AAAS: variants seen among roughly 807,000 people sequenced by gnomAD.
The protein encoded by AAAS is aladin WD repeat nucleoporin.
Under a neutral mutation model 75.6 loss-of-function variants are expected in AAAS, and 60 were observed. That is an observed-to-expected ratio of 0.79 (90% CI 0.64 to 0.98). The LOEUF is 0.98. Among genes scored for constraint, AAAS ranks in the 50% least tolerant of loss-of-function variants. AAAS has a pLI of 0.00. For synonymous variants in AAAS, 271 were observed against 265.0 expected, an observed-to-expected ratio of 1.02 and a Z score of -0.22; for missense variants, 658 against 686.9, an observed-to-expected ratio of 0.96 and a Z score of 0.47.
intron 7 of AAAS, among the ~76,000 whole-genome samples, chr12:53,313,057 C>T (rs1473118025): frequency 2.6e-5 from 4 of 150,978 alleles, no homozygotes; most frequent in Non-Finnish European, 5.9e-5. Context: ...GGGGTTTCAC[C>T]GTGTTAGCCA....
rs558170599 is a variant in AAAS at position 53,318,186 on chromosome 12, C to T, written c.251+2379G>A. Among the ~76,000 whole-genome samples the T allele has an allele frequency of 2.3e-3, 346 of 148,840 alleles. 1 individual carries two copies. Among genetic ancestry groups the T allele is most frequent in the African/African-American group, 8.2e-3 (331 of 40,368 alleles). On this transcript the variant is annotated intron_variant, in intron 2 of 15. Transcript: ENST00000209873. The stretch of plus-strand genomic sequence containing the variant: ...GACTACGGGTGCACACCATCATGCC[C>T]AGCTAATTTTTAAATTTTTTGTAGA...
Position 53,307,593 on chromosome 12 carries a change from G to C in AAAS, c.1537C>G (p.His513Asp). Residue 513 changes from histidine (H) to aspartate (D), a missense_variant, in exon 16 of 16, where the codon CAT (histidine) becomes GAT (aspartate). His to Asp is a moderately conservative substitution (Grantham distance 81). Coordinates refer to ENST00000209873, the MANE Select transcript of AAAS (RefSeq NM_015665.6). ...EPPAGGGGSI[H>D]DLPLFTETSP... ...GTCTCAGTAAAGAGGGGCAGGTCAT[G>C]AATAGAGCCTCCACCCCCAGCAGGG... 5.0e-6 allele frequency: 8 copies of C among 1,614,208 alleles called. No homozygotes were observed. The highest frequency in any genetic ancestry group is 6.8e-6 in the Non-Finnish European group (8 of 1,180,030).
rs151067872 is a variant in AAAS, at chr12:53,312,785, G to GTA, written c.689+1511_689+1512dup. ...TACGTATATACACGTATACATACAC[G>GTA]TATATATATATATACGTGTATATAT... On this transcript the variant is annotated intron_variant, in intron 7 of 15. Coordinates refer to ENST00000209873, the MANE Select transcript of AAAS (RefSeq NM_015665.6). Among the ~76,000 whole-genome samples, 1,238 of 142,602 alleles carry GTA rather than the reference G, an allele frequency of 8.7e-3. 17 individuals carry two copies. Among genetic ancestry groups the GTA allele is most frequent in the African/African-American group, 0.029 (1,136 of 38,848 alleles). 93.6% of individuals were successfully genotyped at this position (142,602 alleles called of 152,430 possible). A position where few individuals can be genotyped will look rare whatever the true frequency, so the allele number is the denominator to read the frequency against.
At chr12:53,315,289 T>C (rs767637634) in intron 4 of AAAS, 46 bp downstream of exon 4, 1 of 1,607,586 alleles carries the variant, frequency 6.2e-7, no homozygotes, top group Admixed American at 1.7e-5. Context: ...CAGAGTAGGA[T>C]GGGGACACAG....
At chr12:53,317,973 C>T (rs1592521807) in intron 2 of AAAS, among the ~76,000 whole-genome samples, 1 of 152,202 alleles carries the variant, frequency 6.6e-6, no homozygotes, top group African/African-American at 2.4e-5. Context: ...AGGTGCCTCA[C>T]ATTAACTAAT....
intron 11 of AAAS, 31 bp from the exon 12 acceptor site, chr12:53,308,559 G>C (rs1944333446): frequency 6.2e-7 from 1 of 1,613,308 alleles, no homozygotes; most frequent in African/African-American, 1.3e-5. Flanking sequence ...AGAGGTTCTT[G>C]CAAGAAACAG....
chr12:53,309,285 GGA>G lies in AAAS; in HGVS notation c.811-6_811-5del, dbSNP rs768886793. Reference sequence around the variant, plus strand: ...TCTCTGTTGAGACATCCCATACCTAGGAGAGTGGGGCAGGAGATAAGGGAAAA... The same window carrying G: ...TCTCTGTTGAGACATCCCATACCTAGGAGTGGGGCAGGAGATAAGGGAAAA... On this transcript the variant is annotated splice_polypyrimidine_tract_variant and splice_region_variant and intron_variant, in intron 8 of 15. Transcript: ENST00000209873. 1.2e-5 allele frequency: 20 copies of G among 1,613,644 alleles called. No individual in the cohort carries two copies. Among genetic ancestry groups the G allele is most frequent in the South Asian group, 9.9e-5 (9 of 91,070 alleles).
At chr12:53,313,342 T>G (rs1944418880) in intron 7 of AAAS, among the ~76,000 whole-genome samples, 1 of 151,758 alleles carries the variant, frequency 6.6e-6, no homozygotes, top group South Asian at 2.1e-4. Context: ...TTTTTTGTAT[T>G]TTTAGTAGAG....
At chr12:53,309,510 CCCT>C in intron 8 of AAAS, 88 bp downstream of exon 8, 1 of 1,602,510 alleles carries the variant, frequency 6.2e-7, no homozygotes, top group South Asian at 1.1e-5. Flanking sequence ...GGACCAAGGT[CCCT>C]CCTCCTTCCC....
intron 3 of AAAS, 150 bp downstream of exon 3, chr12:53,315,577 C>T (rs369470273): frequency 2.6e-5 from 31 of 1,211,826 alleles, no homozygotes; most frequent in South Asian, 2.3e-4. Flanking sequence ...CCACTCTGGA[C>T]ACCCACTCTG....
At chr12:53,308,183 C>A (rs767484517) in intron 13 of AAAS, 50 bp from the exon 14 acceptor site, 2 of 1,612,096 alleles carry the variant, frequency 1.2e-6, no homozygotes, top group South Asian at 2.2e-5. Context: ...AGGCAGAGTC[C>A]CAGGACATGG....
intron 2 of AAAS, 33 bp from the exon 3 acceptor site, chr12:53,315,815 T>A: frequency 6.2e-7 from 1 of 1,604,700 alleles, no homozygotes; most frequent in South Asian, 1.1e-5. Flanking sequence ...GTCAGCTTAC[T>A]CTGATCCCCT....
At chr12:53,314,054 TGAAA>T (rs1220517663) in intron 7 of AAAS, among the ~76,000 whole-genome samples, 6 of 152,184 alleles carry the variant, frequency 3.9e-5, no homozygotes, top group African/African-American at 1.2e-4. Flanking sequence ...TATAGTCCTC[TGAAA>T]GAGTCTTTCC....
intron 1 of AAAS, 51 bp downstream of exon 1, chr12:53,321,292 C>T (rs764804565): frequency 5.0e-6 from 8 of 1,596,078 alleles, no homozygotes; most frequent in Admixed American, 3.4e-5. Context: ...CCCAGTAGTC[C>T]CCGACTCCGC....
intron 1 of AAAS, 98 bp from the exon 2 acceptor site, chr12:53,320,790 G>A (rs1944541773): frequency 1.4e-6 from 2 of 1,390,836 alleles, no homozygotes; most frequent in African/African-American, 1.4e-5. Context: ...AAGTATAAGA[G>A]ATTCCAGAGG....
At chr12:53,317,008 T>C (rs1944473104) in intron 2 of AAAS, among the ~76,000 whole-genome samples, 1 of 150,868 alleles carries the variant, frequency 6.6e-6, no homozygotes, top group African/African-American at 2.4e-5. Context: ...ACTTGAGCCC[T>C]GGGGGCTGAC....
At chr12:53,312,653 A>G (rs1944406004) in intron 7 of AAAS, among the ~76,000 whole-genome samples, 1 of 151,238 alleles carries the variant, frequency 6.6e-6, no homozygotes, top group Non-Finnish European at 1.5e-5. Context: ...TAATTCTTCT[A>G]TTTTCTCCCG....
Position 53,316,492 on chromosome 12 carries a change from G to C in AAAS, c.252-710C>G, listed in dbSNP as rs199668841. ...AAAAAAAAAAGAATAGAAAAGGCCA[G>C]GCGCGGTGGCTCACACCTGTAATCA... On this transcript the variant is annotated intron_variant, in intron 2 of 15. Transcript: ENST00000209873. Among the ~76,000 whole-genome samples the C allele has an allele frequency of 2.0e-5, 3 of 149,736 alleles. No individual in the cohort carries two copies. The East Asian group carries it at 5.9e-4, about 30-fold the overall frequency.
chr12:53,311,000 T>C (rs780740432), intron 7 of AAAS, among the ~76,000 whole-genome samples: 4 of 152,170 alleles, frequency 2.6e-5, no homozygotes, highest in Non-Finnish European at 5.9e-5. Context: ...CACTCCAGGA[T>C]GGAGTGCAGT....
Sources: gnomAD v4.1 joint callset for allele counts (sites outside exome capture counted in the v4.1 genomes callset) on GRCh38, gnomAD v4.1.1 for gene constraint, MANE v1.5 for transcripts, NCBI Gene and HGNC (gene_info 2026-07-23, HGNC 2026-07-21) for gene names.